The following AFF1 variants were observed in gnomAD, a reference collection of about 807,000 sequenced individuals.
AFF1 encodes AF4/FMR2 family member 1.
In AFF1, 48 loss-of-function variants were observed where a neutral mutation model predicts 121.7. The ratio of observed to expected loss-of-function variants is 0.39; its 90% CI spans 0.31 to 0.50. AFF1 has a LOEUF of 0.50. AFF1 is among the 20% of genes least tolerant of loss of function. The pLI, the probability that AFF1 is intolerant of heterozygous loss-of-function variation, is 0.76. For synonymous variants in AFF1, 613 were observed against 563.0 expected, an observed-to-expected ratio of 1.09 and a Z score of -1.26; for missense variants, 1,523 against 1,511.7, an observed-to-expected ratio of 1.01 and a Z score of -0.12.
intron 2 of AFF1, among the ~76,000 whole-genome samples, chr4:86,968,855 G>A (rs1030569519): frequency 5.3e-5 from 8 of 152,220 alleles, no homozygotes; most frequent in Non-Finnish European, 1.2e-4. Flanking sequence ...CATGTGGGGG[G>A]TTGGTGCTGG....
intron 2 of AFF1, among the ~76,000 whole-genome samples, chr4:86,973,307 C>G (rs1040763083): frequency 3.9e-5 from 6 of 152,072 alleles, no homozygotes; most frequent in African/African-American, 1.4e-4. Context: ...CCCGTTAACA[C>G]CTGGGTGCTG....
chr4:86,949,663 C>T (rs112124993), intron 2 of AFF1: 61 of 1,544,590 alleles, frequency 3.9e-5, no homozygotes, highest in East Asian at 2.9e-4. Context: ...CAGGGGTGAG[C>T]GCTCAGAGCA....
rs765010740 is a variant in AFF1 at position 87,105,811 on chromosome 4, C to A, written c.1342C>A (p.Pro448Thr). ...DSEDSDSEQT[P>T]EKPPSSSAPP... ...TCCCCTTATTGTGAATGCCTAGACC[C>A]CAGAGAAGCCTCCCTCCTCATCTGC... The change falls in exon 10 of 21, where the codon CCA (proline) becomes ACA (threonine). Residue 448 changes from proline to threonine, a missense_variant. Coordinates refer to ENST00000395146, the MANE Select transcript of AFF1 (RefSeq NM_001166693.3). The A allele has an allele frequency of 1.2e-6, 2 of 1,614,056 alleles. No individual in the cohort carries two copies. The highest frequency in any genetic ancestry group is 1.7e-5 in the Admixed American group (1 of 60,004).
chr4:86,995,774 T>C (rs1358092233), intron 2 of AFF1, among the ~76,000 whole-genome samples: 1 of 145,594 alleles, frequency 6.9e-6, no homozygotes, highest in Admixed American at 6.8e-5. Context: ...AGGCCGCCCA[T>C]CGTCTGGGAT....
intron 4 of AFF1, among the ~76,000 whole-genome samples, chr4:87,050,707 C>G (rs1731177204): frequency 6.6e-6 from 1 of 152,188 alleles, no homozygotes; most frequent in Non-Finnish European, 1.5e-5. Flanking sequence ...CCGGGAGTGT[C>G]TGTTTTAGTT....
intron 2 of AFF1, among the ~76,000 whole-genome samples, chr4:86,975,058 C>G (rs1324664052): frequency 6.6e-6 from 1 of 152,164 alleles, no homozygotes; most frequent in Non-Finnish European, 1.5e-5. Context: ...CTCTTTGCAA[C>G]CCAATACGCA....
intron 7 of AFF1, among the ~76,000 whole-genome samples, chr4:87,093,838 C>A (rs1724560386): frequency 6.6e-6 from 1 of 152,148 alleles, no homozygotes; most frequent in Admixed American, 6.5e-5. Context: ...TTTTTCACTT[C>A]CAATTCTGTT....
Position 87,138,730 on chromosome 4 carries a change from C to A in AFF1, c.*3029C>A. ...GTGGGAGGGCCCAGCAAGCATTTATCAGAAATAGAATCACAATAGGAGGAG... is the reference window on the plus strand; with the variant it reads ...GTGGGAGGGCCCAGCAAGCATTTATAAGAAATAGAATCACAATAGGAGGAG... On this transcript the variant is annotated 3_prime_UTR_variant, in exon 21 of 21. Transcript: ENST00000395146. The A allele has an allele frequency of 4.3e-6, 1 of 230,964 alleles. No individual in the cohort carries two copies. Among genetic ancestry groups the A allele is most frequent in the Non-Finnish European group, 8.6e-6 (1 of 116,672 alleles). The allele number at this position is 230,964 out of a possible 1,614,324, so 14.3% of individuals were successfully genotyped here. A position where few individuals can be genotyped will look rare whatever the true frequency, so the allele number is the denominator to read the frequency against.
chr4:87,123,580 A>G (rs921542655), intron 12 of AFF1, among the ~76,000 whole-genome samples: 4 of 152,358 alleles, frequency 2.6e-5, no homozygotes, highest in Admixed American at 2.6e-4. Flanking sequence ...AAGACACTGC[A>G]TAAATGAATA....
intron 4 of AFF1, among the ~76,000 whole-genome samples, chr4:87,056,684 A>C (rs1720175505): frequency 6.6e-6 from 1 of 152,222 alleles, no homozygotes; most frequent in South Asian, 2.1e-4. Flanking sequence ...TTGAACACCC[A>C]TTAGATATAA....
chr4:87,068,120 A>G (rs997358042), intron 4 of AFF1, among the ~76,000 whole-genome samples: 48 of 151,010 alleles, frequency 3.2e-4, no homozygotes, highest in Admixed American at 2.7e-3. Flanking sequence ...TTTGAAATAC[A>G]TAATACTGGA....
chr4:87,046,352 A>C, intron 3 of AFF1, 66 bp downstream of exon 3: 1 of 1,558,256 alleles, frequency 6.4e-7, no homozygotes, highest in Non-Finnish European at 8.7e-7. Flanking sequence ...TGATGAAACA[A>C]TTCAGTATAA....
intron 2 of AFF1, among the ~76,000 whole-genome samples, chr4:87,009,033 T>C (rs140581453): frequency 5.3e-5 from 8 of 152,338 alleles, no homozygotes; most frequent in African/African-American, 1.9e-4. Flanking sequence ...CTCAGTAATA[T>C]AGCGCAGGGA....
intron 2 of AFF1, among the ~76,000 whole-genome samples, chr4:86,968,753 T>G (rs566600322): frequency 8.5e-5 from 13 of 152,328 alleles, no homozygotes; most frequent in African/African-American, 2.6e-4. Context: ...AAATAAAGTC[T>G]GCCATTGGAG....
At chr4:86,969,676 C>T (rs1298990542) in intron 2 of AFF1, among the ~76,000 whole-genome samples, 1 of 150,236 alleles carries the variant, frequency 6.7e-6, no homozygotes, top group Admixed American at 6.6e-5. Flanking sequence ...GTCGGGAGAT[C>T]GAGACCATCC....
At position 87,138,044 on chromosome 4, in the gene AFF1, C is replaced by G. The variant is rs1247089378; in HGVS notation, c.*2343C>G. The G allele has an allele frequency of 9.1e-6, 2 of 219,478 alleles. No homozygotes were observed. The highest frequency in any genetic ancestry group is 3.8e-4 in the South Asian group (2 of 5,204). 13.6% of individuals were successfully genotyped at this position (219,478 alleles called of 1,614,324 possible). A position where few individuals can be genotyped will look rare whatever the true frequency, so the allele number is the denominator to read the frequency against. ...TCTTTGTGGGTTTTTTTTTTTTTCT[C>G]TGAACTTGATATAAAGATTTTATTT... is the stretch of plus-strand genomic sequence containing the variant. On this transcript the variant is annotated 3_prime_UTR_variant, in exon 21 of 21. Coordinates refer to ENST00000395146, the MANE Select transcript of AFF1 (RefSeq NM_001166693.3).
chr4:86,972,146 A>G (rs1477834182), intron 2 of AFF1, among the ~76,000 whole-genome samples: 3 of 151,288 alleles, frequency 2.0e-5, no homozygotes, highest in Non-Finnish European at 2.9e-5. Context: ...AAAAAAAAAA[A>G]AAAAAAAAAA....
At chr4:86,974,694 T>C (rs1305586630) in intron 2 of AFF1, among the ~76,000 whole-genome samples, 1 of 152,178 alleles carries the variant, frequency 6.6e-6, no homozygotes, top group Non-Finnish European at 1.5e-5. Flanking sequence ...TCATGTAAAA[T>C]ATTTTAAAGG....
chr4:87,012,658 AAC>A (rs1346942250), intron 2 of AFF1, among the ~76,000 whole-genome samples: 2 of 152,244 alleles, frequency 1.3e-5, no homozygotes, highest in Non-Finnish European at 2.9e-5. Context: ...TGCTCAAAAT[AAC>A]ACAGCAGGTA....
Sources: gnomAD v4.1 joint callset for allele counts (sites outside exome capture counted in the v4.1 genomes callset) on GRCh38, gnomAD v4.1.1 for gene constraint, MANE v1.5 for transcripts, NCBI Gene and HGNC (gene_info 2026-07-23, HGNC 2026-07-21) for gene names.